CTBP2: variants seen among roughly 807,000 people sequenced by gnomAD.
The protein encoded by CTBP2 is C-terminal binding protein 2.
Under a neutral mutation model 80.3 loss-of-function variants are expected in CTBP2, and 30 were observed. That is an observed-to-expected ratio of 0.37 (90% CI 0.28 to 0.51). CTBP2 has a LOEUF of 0.51. Ranked by LOEUF, CTBP2 falls within the 20% of genes least tolerant of loss-of-function variation. CTBP2 has a pLI of 0.93. For synonymous variants in CTBP2, 594 were observed against 587.4 expected, an observed-to-expected ratio of 1.01 and a Z score of -0.16; for missense variants, 1,212 against 1,375.3, an observed-to-expected ratio of 0.88 and a Z score of 1.88.
chr10:125,112,107 CT>C (rs59148637), intron 1 of CTBP2, among the ~76,000 whole-genome samples: 5,199 of 123,722 alleles, frequency 0.042, 134 homozygotes, highest in African/African-American at 0.12. Context: ...CTGCATTTGA[CT>C]TTTTTTTTTT....
At chr10:125,037,248 C>A (rs989125657) in intron 3 of CTBP2, among the ~76,000 whole-genome samples, 1 of 152,168 alleles carries the variant, frequency 6.6e-6, no homozygotes, top group African/African-American at 2.4e-5. Flanking sequence ...AATGGTTTTG[C>A]CCAAGTCAGG....
chr10:125,029,070 T>C (rs554636340), upstream of CTBP2, among the ~76,000 whole-genome samples: 9 of 152,278 alleles, frequency 5.9e-5, no homozygotes, highest in East Asian at 1.5e-3. Flanking sequence ...AAGCCGGTGA[T>C]TAGGAAGCTA....
intron 1 of CTBP2, among the ~76,000 whole-genome samples, chr10:125,111,879 A>G (rs894506436): frequency 1.3e-5 from 2 of 152,126 alleles, no homozygotes; most frequent in Non-Finnish European, 2.9e-5. Flanking sequence ...TGTCCTTTCT[A>G]CGGCTTTTCC....
intron 1 of CTBP2, among the ~76,000 whole-genome samples, chr10:125,013,121 A>G (rs1956113272): frequency 6.6e-6 from 1 of 152,128 alleles, no homozygotes; most frequent in Non-Finnish European, 1.5e-5. Flanking sequence ...ACAGCTCCTA[A>G]ACTATGAGAT....
chr10:125,005,491 G>T, intron 1 of CTBP2: 1 of 1,517,542 alleles, frequency 6.6e-7, no homozygotes, highest in Non-Finnish European at 8.9e-7. Context: ...AGGAAAACAG[G>T]GCAGGGGAGG....
chr10:125,126,359 G>A (rs1166970433), intron 1 of CTBP2, among the ~76,000 whole-genome samples: 1 of 152,168 alleles, frequency 6.6e-6, no homozygotes, highest in Non-Finnish European at 1.5e-5. Context: ...AAAGTCACTG[G>A]GACTTAAAAG....
chr10:125,018,210 T>C (rs1037064233), intron 1 of CTBP2, among the ~76,000 whole-genome samples: 1 of 152,168 alleles, frequency 6.6e-6, no homozygotes, highest in Non-Finnish European at 1.5e-5. Flanking sequence ...GGATTTCAGA[T>C]GGGGGATCAT....
chr10:125,038,566 C>A lies in CTBP2; in HGVS notation c.58+431G>T, dbSNP rs144112514. 2.6e-5 allele frequency among the ~76,000 whole-genome samples: 4 copies of A among 152,300 alleles called. No homozygotes were observed. The East Asian group carries it at 7.7e-4, about 29-fold the overall frequency. ...TTTCCAAAGATACCAGGGACATGAA[C>A]ACACCACGAGGGGCAATGCTGGGCT... On this transcript the variant is annotated intron_variant, in intron 3 of 10. Coordinates refer to the CTBP2 transcript ENST00000337195.
intron 2 of CTBP2, among the ~76,000 whole-genome samples, chr10:125,081,845 A>T (rs183100400): frequency 1.5e-3 from 221 of 152,230 alleles, no homozygotes; most frequent in African/African-American, 4.8e-3. Context: ...CTTCAGATGG[A>T]AAGACAGGCG....
chr10:125,015,125 C>T (rs558986973), intron 1 of CTBP2, among the ~76,000 whole-genome samples: 2 of 152,176 alleles, frequency 1.3e-5, no homozygotes, highest in Non-Finnish European at 2.9e-5. Context: ...AGCTTCATAG[C>T]GCAGTAATGG....
chr10:125,094,147 G>C (rs925252694), intron 2 of CTBP2, among the ~76,000 whole-genome samples: 1 of 152,210 alleles, frequency 6.6e-6, no homozygotes, highest in African/African-American at 2.4e-5. Context: ...ACAGAGGAAA[G>C]CAGGCGGTAA....
intron 2 of CTBP2, among the ~76,000 whole-genome samples, chr10:125,095,349 AG>A (rs1849387559): frequency 6.6e-6 from 1 of 152,248 alleles, no homozygotes; most frequent in Non-Finnish European, 1.5e-5. Context: ...CTCAGAAGGC[AG>A]CCCCAGCTAC....
chr10:125,068,307 G>T (rs35517340), intron 2 of CTBP2, among the ~76,000 whole-genome samples: 42,610 of 152,126 alleles, frequency 0.28, 6,630 homozygotes, highest in South Asian at 0.35. Context: ...TCAGGAGTGT[G>T]AAACTTCATC....
chr10:125,017,354 G>A (rs1223685847), intron 1 of CTBP2, among the ~76,000 whole-genome samples: 4 of 152,184 alleles, frequency 2.6e-5, no homozygotes, highest in Non-Finnish European at 4.4e-5. Flanking sequence ...TCTGAGCAAC[G>A]GGTTCATCGG....
intron 2 of CTBP2, among the ~76,000 whole-genome samples, chr10:125,064,183 G>A (rs1006320462): frequency 3.9e-5 from 6 of 152,180 alleles, no homozygotes; most frequent in Non-Finnish European, 7.3e-5. Flanking sequence ...TAGTCTCCTC[G>A]GTTTTCACCA....
At chr10:125,064,148 A>C (rs1844272547) in intron 2 of CTBP2, among the ~76,000 whole-genome samples, 1 of 152,254 alleles carries the variant, frequency 6.6e-6, no homozygotes, top group Non-Finnish European at 1.5e-5. Context: ...AGACAGTTAG[A>C]TGGTGAATAC....
At chr10:124,995,364 G>T (rs893984589) in intron 4 of CTBP2, among the ~76,000 whole-genome samples, 50 of 152,302 alleles carry the variant, frequency 3.3e-4, no homozygotes, top group African/African-American at 1.1e-3. Context: ...ACTCCCCAAC[G>T]GCTGTCATTT....
intron 1 of CTBP2, among the ~76,000 whole-genome samples, chr10:125,154,424 G>A (rs962866762): frequency 6.6e-6 from 1 of 152,114 alleles, no homozygotes; most frequent in Non-Finnish European, 1.5e-5. Context: ...TATTACCTAG[G>A]ACAAAAGTCA....
chr10:125,139,284 G>T (rs1475048611), intron 1 of CTBP2, among the ~76,000 whole-genome samples: 1 of 146,896 alleles, frequency 6.8e-6, no homozygotes, highest in African/African-American at 2.5e-5. Context: ...GGCATGAATT[G>T]CTTCAAACCA....
Sources: gnomAD v4.1 joint callset for allele counts (sites outside exome capture counted in the v4.1 genomes callset) on GRCh38, gnomAD v4.1.1 for gene constraint, MANE v1.5 for transcripts, NCBI Gene and HGNC (gene_info 2026-07-23, HGNC 2026-07-21) for gene names.